SNX29: variants seen among roughly 807,000 people sequenced by gnomAD.
SNX29 encodes the protein sorting nexin-29.
SNX29 carries 78 observed loss-of-function variants against 102.1 expected under a neutral mutation model. The ratio of observed to expected loss-of-function variants is 0.76; its 90% confidence interval spans 0.64 to 0.92. The LOEUF is 0.92. SNX29 is among the 40% of genes least tolerant of loss of function. SNX29 has a pLI of 0.00. For missense variants in SNX29, 1,280 were observed against 1,061.7 expected, an observed-to-expected ratio of 1.21 and a Z score of -2.86; for synonymous variants, 580 against 414.5, an observed-to-expected ratio of 1.40 and a Z score of -4.85.
chr16:12,510,131 C>T (rs1031553194), intron 19 of SNX29, among the ~76,000 whole-genome samples: 2 of 152,208 alleles, frequency 1.3e-5, no homozygotes, highest in Non-Finnish European at 2.9e-5. Context: ...GGTGACATCT[C>T]CTTTGATGTA....
In SNX29 at chr16:12,573,187, G is replaced by T. The variant is rs1355800346; in HGVS notation, c.*4558G>T. 1 of 225,922 alleles carries T rather than the reference G, an allele frequency of 4.4e-6. No homozygotes were observed. Among genetic ancestry groups the T allele is most frequent in the Non-Finnish European group, 8.8e-6 (1 of 113,698 alleles). The allele number at this position is 225,922 out of a possible 1,614,324, so 14.0% of individuals were successfully genotyped here. ...TAGAAGTAAGGGTGTAGCCATCCAGGGTCTCCCGGCTCTAGGCAGACCGGA... is the reference window on the plus strand; with the variant it reads ...TAGAAGTAAGGGTGTAGCCATCCAGTGTCTCCCGGCTCTAGGCAGACCGGA... On this transcript the variant is annotated 3_prime_UTR_variant, in exon 21 of 21. Transcript: ENST00000566228.
Position 12,570,146 on chromosome 16 carries a change from C to G in SNX29, c.*1517C>G, listed in dbSNP as rs563859683. On this transcript the variant is annotated 3_prime_UTR_variant, in exon 21 of 21. Transcript: ENST00000566228. ...TGGCCTTTAAGGAAGGCTGAGATCA[C>G]TCACACACAGCGCCCCCCCACCCCA... 5.3e-4 allele frequency: 559 copies of G among 1,063,394 alleles called. No homozygotes were observed. Among genetic ancestry groups the G allele is most frequent in the Non-Finnish European group, 6.2e-4 (543 of 877,572 alleles). The allele number at this position is 1,063,394 out of a possible 1,614,324, so 65.9% of individuals were successfully genotyped here.
At chr16:12,553,648 T>C (rs1243230394) in intron 20 of SNX29, among the ~76,000 whole-genome samples, 1 of 138,236 alleles carries the variant, frequency 7.2e-6, no homozygotes, top group Non-Finnish European at 1.5e-5. Flanking sequence ...TGGAGTGCAA[T>C]GACGTGATCT....
chr16:12,284,639 C>G (rs987478113), intron 15 of SNX29, among the ~76,000 whole-genome samples: 1 of 152,052 alleles, frequency 6.6e-6, no homozygotes, highest in African/African-American at 2.4e-5. Context: ...AGCATTTATT[C>G]AATAGACTAA....
At chr16:12,150,663 T>G (rs1436388662) in intron 13 of SNX29, among the ~76,000 whole-genome samples, 2 of 152,222 alleles carry the variant, frequency 1.3e-5, no homozygotes, top group Non-Finnish European at 2.9e-5. Context: ...TGAGATAGTG[T>G]GCGTGAGCTG....
intron 15 of SNX29, among the ~76,000 whole-genome samples, chr16:12,309,768 GT>G (rs2080468616): frequency 1.3e-5 from 2 of 152,286 alleles, no homozygotes; most frequent in South Asian, 4.1e-4. Context: ...GTATTGAGTG[GT>G]TTGGAGGAAT....
At chr16:12,322,841 C>CGGTCACTAGGGGACCACTGTCAGGATGT (rs2080985975) in intron 15 of SNX29, among the ~76,000 whole-genome samples, 1 of 47,002 alleles carries the variant, frequency 2.1e-5, no homozygotes, top group African/African-American at 8.5e-5. Context: ...TGTCAGGATG[C>CGGTCACTAGGGGACCACTGTCAGGATGT]GGTCACTAGG....
At chr16:12,527,387 A>T (rs558961153) in intron 20 of SNX29, 1 of 495,894 alleles carries the variant, frequency 2.0e-6, no homozygotes, top group African/African-American at 1.9e-5. Context: ...TCTCCTGCCT[A>T]AGGAAATAAA....
Position 12,048,424 on chromosome 16 carries a change from G to A in SNX29, c.552G>A (p.Gly184=), listed in dbSNP as rs750080215. Residue 184 remains glycine (G), a synonymous_variant, in exon 7 of 21, where the codon GGG becomes GGA. Transcript: ENST00000566228. The part of the protein sequence containing the change: ...AINIDNKDLN[G]QSKFAPTVSD... ...ACATCGACAACAAGGATTTGAACGG[G>A]CAGAGTAAGTTTGCTCCCACCGTTT... 1.9e-6 allele frequency: 3 copies of A among 1,613,618 alleles called. No homozygotes were observed. In the East Asian group the frequency reaches 6.7e-5, roughly 36 times the overall value.
At chr16:12,052,420 T>C (rs1462879312) in intron 8 of SNX29, 198 bp downstream of exon 8, 7 of 506,924 alleles carry the variant, frequency 1.4e-5, no homozygotes, top group Non-Finnish European at 2.4e-5. Context: ...TTTCACCATA[T>C]TGGCCAGGCT....
At chr16:12,033,372 G>T (rs2057394479) in intron 4 of SNX29, among the ~76,000 whole-genome samples, 1 of 151,962 alleles carries the variant, frequency 6.6e-6, no homozygotes, top group Non-Finnish European at 1.5e-5. Context: ...CAAAGTGCTG[G>T]GATTACAGGC....
chr16:12,473,934 G>A (rs568448187), intron 18 of SNX29, among the ~76,000 whole-genome samples: 2 of 152,338 alleles, frequency 1.3e-5, no homozygotes, highest in East Asian at 1.9e-4. Context: ...AGCTCTCGGG[G>A]CTGCTCTGTC....
Position 12,568,828 on chromosome 16 carries a change from A to G in SNX29, c.*199A>G. ...GCATGATACCGTGACCCGAGAGACC[A>G]AGGCAGCACCTCGCTGGAGAGACTG... On this transcript the variant is annotated 3_prime_UTR_variant, in exon 21 of 21. Coordinates refer to ENST00000566228, the MANE Select transcript of SNX29 (RefSeq NM_032167.5). The G allele has an allele frequency of 2.5e-6, 2 of 811,964 alleles. No individual in the cohort carries two copies. Among genetic ancestry groups the G allele is most frequent in the East Asian group, 5.6e-5 (2 of 35,990 alleles). The allele number at this position is 811,964 out of a possible 1,614,324, so 50.3% of individuals were successfully genotyped here. A position where few individuals can be genotyped will look rare whatever the true frequency, so the allele number is the denominator to read the frequency against.
chr16:12,542,838 C>T (rs1031563883), intron 20 of SNX29, among the ~76,000 whole-genome samples: 11 of 152,046 alleles, frequency 7.2e-5, no homozygotes, highest in Admixed American at 6.5e-4. Context: ...TGTGTGGACC[C>T]ATGAGCAGTA....
At chr16:12,041,163 G>T (rs2049865705) in intron 4 of SNX29, among the ~76,000 whole-genome samples, 2 of 152,098 alleles carry the variant, frequency 1.3e-5, no homozygotes, top group Admixed American at 1.3e-4. Flanking sequence ...CCAGGCTGGA[G>T]TACAGTGGTG....
chr16:12,065,472 G>A (rs545099004), intron 9 of SNX29, among the ~76,000 whole-genome samples: 3 of 152,266 alleles, frequency 2.0e-5, no homozygotes, highest in South Asian at 4.1e-4. Context: ...ATTTCCAAGG[G>A]CTTTCTTAGG....
intron 13 of SNX29, among the ~76,000 whole-genome samples, chr16:12,186,968 G>C (rs1015659953): frequency 6.6e-6 from 1 of 152,242 alleles, no homozygotes; most frequent in African/African-American, 2.4e-5. Flanking sequence ...GGGGCTGACT[G>C]TGGCTCACAG....
chr16:12,396,888 A>ACG (rs1287307770), intron 16 of SNX29, among the ~76,000 whole-genome samples: 1 of 152,240 alleles, frequency 6.6e-6, no homozygotes, highest in East Asian at 1.9e-4. Context: ...AGTTCAAAAT[A>ACG]GAAAATACAA....
At chr16:12,562,997 C>T (rs1394705639) in intron 20 of SNX29, among the ~76,000 whole-genome samples, 1 of 145,986 alleles carries the variant, frequency 6.8e-6, no homozygotes, top group East Asian at 2.1e-4. Flanking sequence ...AGAAAAACTG[C>T]TTCAATGCGC....
Sources: gnomAD v4.1 joint callset for allele counts (sites outside exome capture counted in the v4.1 genomes callset) on GRCh38, gnomAD v4.1.1 for gene constraint, MANE v1.5 for transcripts, NCBI Gene and HGNC (gene_info 2026-07-23, HGNC 2026-07-21) for gene names.